COL17A1: variants seen among roughly 807,000 people sequenced by gnomAD.
COL17A1 encodes collagen type XVII alpha 1 chain, also known as collagen alpha-1(XVII) chain.
A neutral mutation model predicts 218.4 loss-of-function variants in COL17A1; 181 were observed. The ratio of observed to expected loss-of-function variants is 0.83; its 90% CI spans 0.73 to 0.94. The LOEUF is 0.94. Among genes scored for constraint, COL17A1 ranks in the 40% least tolerant of loss-of-function variants. The pLI, the probability that COL17A1 is intolerant of heterozygous loss-of-function variation, is 0.00. For synonymous variants in COL17A1, 721 were observed against 731.0 expected, an observed-to-expected ratio of 0.99 and a Z score of 0.22; for missense variants, 1,924 against 1,945.9, an observed-to-expected ratio of 0.99 and a Z score of 0.21.
intron 13 of COL17A1, 130 bp from the exon 14 acceptor site, chr10:104,060,410 T>G: frequency 1.3e-5 from 17 of 1,296,960 alleles, no homozygotes; most frequent in Non-Finnish European, 1.7e-5. Flanking sequence ...TGTATGAGGG[T>G]CTCTTGTTCT....
At position 104,034,178 on chromosome 10, in the gene COL17A1, C is replaced by T. The variant is rs1305529120; in HGVS notation, c.3923G>A (p.Ser1308Asn). 1 of 1,613,368 alleles carries T rather than the reference C, an allele frequency of 6.2e-7. No homozygotes were observed. The highest frequency in any genetic ancestry group is 8.5e-7 in the Non-Finnish European group (1 of 1,179,950). Residue 1308 changes from serine to asparagine, a missense_variant, in exon 52 of 56, where the codon AGC becomes AAC. Ser to Asn is a conservative substitution (Grantham distance 46). Coordinates refer to ENST00000648076, the MANE Select transcript of COL17A1 (RefSeq NM_000494.4). ...ACCTCCTCCTGTGCTCATGGAAGAG[C>T]TGTAGGAGCTGCCCCGCCTGACAGA... ...SSSVRRGSSY[S>N]SSMSTGGGGA...
At chr10:104,079,423 C>T (rs979396150) in intron 2 of COL17A1, among the ~76,000 whole-genome samples, 5 of 151,958 alleles carry the variant, frequency 3.3e-5, no homozygotes, top group Non-Finnish European at 5.9e-5. Context: ...TGGGCACATA[C>T]GTGTGGGGAA....
At chr10:104,040,815 C>A (rs975290715) in intron 39 of COL17A1, among the ~76,000 whole-genome samples, 8 of 152,202 alleles carry the variant, frequency 5.3e-5, no homozygotes, top group African/African-American at 1.9e-4. Flanking sequence ...ACCAGGTCTC[C>A]CTGGTTAGGC....
chr10:104,064,524 G>A lies in COL17A1; in HGVS notation c.680C>T (p.Ala227Val), dbSNP rs568269377. 3.1e-5 allele frequency: 50 copies of A among 1,614,122 alleles called. No homozygotes were observed. Among genetic ancestry groups the A allele is most frequent in the South Asian group, 3.1e-4 (28 of 91,050 alleles). Residue 227 changes from alanine to valine, a missense_variant, in exon 10 of 56, where the codon GCG becomes GTG. Transcript: ENST00000648076. ...PSHVWSSTLP[A>V]GSSMGTYHNN... ...GTGATAGGTCCCCATGGAGGACCCC[G>A]CGGGCAGGGTGGAGGACCACACATG...
At position 104,034,219 on chromosome 10, in the gene COL17A1, G is replaced by A; in HGVS notation, c.3882C>T (p.Ser1294=). The A allele has an allele frequency of 6.2e-7, 1 of 1,612,584 alleles. No individual in the cohort carries two copies. Among genetic ancestry groups the A allele is most frequent in the Non-Finnish European group, 8.5e-7 (1 of 1,179,854 alleles). ...GCCTGACAGATGAGCTGTGTGAGGA[G>A]GAGCTGCTACCCCGACTGTGGGAGG... ...TDASHSRGSS[S]SSHSSSVRRG... is the part of the protein sequence containing the mutation. The change falls in exon 52 of 56, where the codon TCC becomes TCT. Residue 1294 remains serine, a synonymous_variant. Coordinates refer to ENST00000648076, the MANE Select transcript of COL17A1 (RefSeq NM_000494.4).
intron 33 of COL17A1, among the ~76,000 whole-genome samples, chr10:104,044,994 T>A (rs1020512922): frequency 3.9e-5 from 6 of 152,000 alleles, no homozygotes; most frequent in African/African-American, 1.5e-4. Flanking sequence ...TATTTTAGGG[T>A]CCCACCAAGA....
intron 47 of COL17A1, 90 bp downstream of exon 47, chr10:104,036,955 A>G: frequency 8.1e-7 from 1 of 1,239,650 alleles, no homozygotes; most frequent in Non-Finnish European, 1.2e-6. Context: ...AGCCCTTCCA[A>G]GGCTCAGACG....
chr10:104,074,381 A>G (rs1413075262), intron 5 of COL17A1, 150 bp from the exon 6 acceptor site: 1 of 1,177,208 alleles, frequency 8.5e-7, no homozygotes, highest in African/African-American at 1.5e-5. Context: ...CATGCATGTC[A>G]AAGGAGCCAG....
chr10:104,033,433 C>T (rs1053212338), intron 52 of COL17A1, 58 bp from the exon 53 acceptor site: 18 of 1,584,862 alleles, frequency 1.1e-5, no homozygotes, highest in Non-Finnish European at 1.4e-5. Context: ...CCCTCTTCAG[C>T]AGGAGCACAG....
intron 11 of COL17A1, among the ~76,000 whole-genome samples, chr10:104,063,332 C>T (rs1018391279): frequency 2.6e-5 from 4 of 152,150 alleles, no homozygotes; most frequent in Non-Finnish European, 4.4e-5. Context: ...ATAGTTACTC[C>T]AACAAACTAT....
chr10:104,038,262 ACACACACACACACACACACT>A (rs1554847369), intron 45 of COL17A1, 124 bp downstream of exon 45: 2 of 322,212 alleles, frequency 6.2e-6, no homozygotes, highest in Non-Finnish European at 1.2e-5. Context: ...ACACACACAC[ACACACACACACACACACACT>A]CCCACTGCCC....
intron 15 of COL17A1, chr10:104,059,315 G>A (rs750435323): frequency 2.6e-5 from 10 of 390,276 alleles, no homozygotes; most frequent in Non-Finnish European, 4.3e-5. Flanking sequence ...GCTAACAACT[G>A]CTTTGCAAAG....
At chr10:104,039,014 A>C in intron 44 of COL17A1, 57 bp downstream of exon 44, 1 of 1,517,242 alleles carries the variant, frequency 6.6e-7, no homozygotes, top group Non-Finnish European at 9.2e-7. Flanking sequence ...CCTCACTGGA[A>C]TGATCAGCCT....
chr10:104,059,797 C>T (rs1349074824), intron 14 of COL17A1, 79 bp from the exon 15 acceptor site: 2 of 1,430,856 alleles, frequency 1.4e-6, no homozygotes, highest in African/African-American at 1.4e-5. Flanking sequence ...CCCGCCCTTG[C>T]CCACTACCCT....
At chr10:104,061,609 T>C (rs1589571164) in intron 12 of COL17A1, 136 bp from the exon 13 acceptor site, 1 of 733,670 alleles carries the variant, frequency 1.4e-6, no homozygotes, top group South Asian at 1.5e-5. Context: ...TCTCCAGCCA[T>C]GGGGACAGTA....
At chr10:104,058,036 G>C in intron 16 of COL17A1, 110 bp downstream of exon 16, 1 of 1,495,112 alleles carries the variant, frequency 6.7e-7, no homozygotes, top group Non-Finnish European at 9.2e-7. Flanking sequence ...TTAGAGTCTG[G>C]TGGCTTCTGT....
At position 104,077,503 on chromosome 10, in the gene COL17A1, C is replaced by A. The variant is rs1204059013; in HGVS notation, c.121G>T (p.Ala41Ser). The A allele has an allele frequency of 2.9e-5, 46 of 1,612,974 alleles. No homozygotes were observed. Among genetic ancestry groups the A allele is most frequent in the Non-Finnish European group, 3.8e-5 (45 of 1,179,754 alleles). The stretch of plus-strand genomic sequence containing the variant: ...CCTCCACCAAGAGAGGCTGTTTTAG[C>A]ATAGCCATTGCTGGTCCCGCCTTCT... ...PPKGGTSNGY[A>S]KTASLGGGSR... The change falls in exon 4 of 56, where the codon GCT becomes TCT. Residue 41 changes from alanine to serine, a missense_variant. Coordinates refer to ENST00000648076, the MANE Select transcript of COL17A1 (RefSeq NM_000494.4).
chr10:104,033,724 CAA>C (rs1445144765), intron 52 of COL17A1, among the ~76,000 whole-genome samples: 1 of 152,190 alleles, frequency 6.6e-6, no homozygotes, highest in Admixed American at 6.5e-5. Flanking sequence ...AAACAAAGTA[CAA>C]AGCCCCCAGC....
intron 48 of COL17A1, among the ~76,000 whole-genome samples, chr10:104,036,130 A>G (rs1193629025): frequency 0.029 from 7 of 240 alleles, no homozygotes; most frequent in African/African-American, 0.081. Flanking sequence ...GAGTGTGTGT[A>G]TATGTGTGTG....
Sources: gnomAD v4.1 joint callset for allele counts (sites outside exome capture counted in the v4.1 genomes callset) on GRCh38, gnomAD v4.1.1 for gene constraint, MANE v1.5 for transcripts, NCBI Gene and HGNC (gene_info 2026-07-23, HGNC 2026-07-21) for gene names.